SLC8A3: variants seen among roughly 807,000 people sequenced by gnomAD.
SLC8A3 encodes the protein solute carrier family 8 member A3, also known as sodium/calcium exchanger 3.
SLC8A3 carries 37 observed loss-of-function variants against 65.4 expected under a neutral mutation model. That is an observed-to-expected ratio of 0.57 (90% CI 0.44 to 0.74). SLC8A3 has a LOEUF of 0.74. SLC8A3 is among the 30% of genes least tolerant of loss of function. The pLI, the probability that SLC8A3 is intolerant of heterozygous loss-of-function variation, is 0.00. For synonymous variants in SLC8A3, 461 were observed against 444.5 expected (o/e 1.04, Z -0.47); for missense variants, 1,112 against 1,172.1 (o/e 0.95, Z 0.75).
chr14:70,187,599 C>CTGTGTGTGTG lies in SLC8A3; in HGVS notation c.-63+770_-63+779dup, dbSNP rs3053393. Among the ~76,000 whole-genome samples, 457 of 118,264 alleles carry CTGTGTGTGTG rather than the reference C, an allele frequency of 3.9e-3. 3 individuals carry two copies. Among genetic ancestry groups the CTGTGTGTGTG allele is most frequent in the Non-Finnish European group, 4.6e-3 (264 of 57,304 alleles). The allele number at this position is 118,264 out of a possible 152,430, so 77.6% of individuals were successfully genotyped here. ...GCTAGCCTCTGAATCAGGGCTTTGA[C>CTGTGTGTGTG]TGTGTGTGTGTGTGTGTGTGTGTGT... On this transcript the variant is annotated intron_variant, in intron 1 of 6. Transcript: ENST00000356921.
At chr14:70,098,351 A>G (rs989774424) in intron 2 of SLC8A3, among the ~76,000 whole-genome samples, 13 of 151,834 alleles carry the variant, frequency 8.6e-5, no homozygotes, top group Admixed American at 1.3e-4. Context: ...CCTTTCCCCA[A>G]TCTCTATCTC....
intron 2 of SLC8A3, among the ~76,000 whole-genome samples, chr14:70,150,765 G>A (rs768723693): frequency 6.6e-6 from 1 of 152,180 alleles, no homozygotes; most frequent in Admixed American, 6.5e-5. Flanking sequence ...TTAAGGCACC[G>A]AGGAACTCCA....
intron 2 of SLC8A3, among the ~76,000 whole-genome samples, chr14:70,155,696 A>G (rs1896535451): frequency 6.6e-6 from 1 of 152,272 alleles, no homozygotes; most frequent in African/African-American, 2.4e-5. Context: ...AGAGGCCTGA[A>G]TAACAGTGGT....
intron 2 of SLC8A3, among the ~76,000 whole-genome samples, chr14:70,104,977 A>AT (rs1892762212): frequency 1.3e-5 from 2 of 152,348 alleles, no homozygotes; most frequent in South Asian, 4.1e-4. Flanking sequence ...TATAATGTAG[A>AT]TAAAAAATAG....
chr14:70,045,797 G>T lies in SLC8A3; in HGVS notation c.*150C>A. On this transcript the variant is annotated 3_prime_UTR_variant, in exon 7 of 7. Transcript: ENST00000356921. ...TAAGACTTTGCCCTTTCAGTTAATT[G>T]CCAGGGCCTAAGTTGGGTGAAGTTC... 1.5e-6 allele frequency: 1 copy of T among 677,664 alleles called. No individual in the cohort carries two copies. The highest frequency in any genetic ancestry group is 2.4e-6 in the Non-Finnish European group (1 of 415,478). The allele number at this position is 677,664 out of a possible 1,614,324, so 42.0% of individuals were successfully genotyped here.
chr14:70,183,725 G>T (rs1242746060), intron 1 of SLC8A3, among the ~76,000 whole-genome samples: 1 of 152,190 alleles, frequency 6.6e-6, no homozygotes, highest in African/African-American at 2.4e-5. Context: ...GGTCAGGCTG[G>T]CAGGACCAGA....
chr14:70,176,618 C>T (rs565272768), intron 1 of SLC8A3, among the ~76,000 whole-genome samples: 16 of 152,332 alleles, frequency 1.1e-4, no homozygotes, highest in South Asian at 1.0e-3. Context: ...CATGCGTTGA[C>T]GCACAAATGG....
chr14:70,160,393 G>A (rs1243183738), intron 2 of SLC8A3, among the ~76,000 whole-genome samples: 2 of 152,190 alleles, frequency 1.3e-5, no homozygotes, highest in East Asian at 3.9e-4. Flanking sequence ...TGCAATAAGC[G>A]AGTGACAGCC....
intron 2 of SLC8A3, among the ~76,000 whole-genome samples, chr14:70,077,307 C>G (rs528547614): frequency 6.6e-6 from 1 of 152,298 alleles, no homozygotes; most frequent in Admixed American, 6.5e-5. Context: ...CAACATCTTT[C>G]CTTATTTCCT....
At chr14:70,095,110 T>C (rs964013111) in intron 2 of SLC8A3, among the ~76,000 whole-genome samples, 4 of 152,228 alleles carry the variant, frequency 2.6e-5, no homozygotes, top group Admixed American at 6.5e-5. Context: ...CAAGGGCTTG[T>C]CACGTGGTAG....
At chr14:70,141,594 T>C (rs1895581484) in intron 2 of SLC8A3, among the ~76,000 whole-genome samples, 1 of 152,192 alleles carries the variant, frequency 6.6e-6, no homozygotes, top group Admixed American at 6.5e-5. Context: ...TTTGTTTCCA[T>C]CTGTGGATCT....
intron 2 of SLC8A3, among the ~76,000 whole-genome samples, chr14:70,131,990 T>C (rs747044940): frequency 6.6e-6 from 1 of 152,200 alleles, no homozygotes; most frequent in African/African-American, 2.4e-5. Context: ...AATAGAGTGA[T>C]TGGAGACCTT....
intron 2 of SLC8A3, among the ~76,000 whole-genome samples, chr14:70,067,165 C>T (rs1000798030): frequency 1.1e-4 from 17 of 151,922 alleles, no homozygotes; most frequent in South Asian, 2.1e-4. Flanking sequence ...AATCCCCTTG[C>T]TATCCCCTCT....
chr14:70,091,955 G>T (rs532118606), intron 2 of SLC8A3, among the ~76,000 whole-genome samples: 34 of 152,258 alleles, frequency 2.2e-4, no homozygotes, highest in African/African-American at 7.9e-4. Flanking sequence ...ATTGTGTTAT[G>T]GATATGTGGT....
At chr14:70,137,710 A>G (rs925533525) in intron 2 of SLC8A3, among the ~76,000 whole-genome samples, 2 of 151,668 alleles carry the variant, frequency 1.3e-5, no homozygotes, top group African/African-American at 4.9e-5. Context: ...CCTCTATTTC[A>G]AGGTTAGATG....
chr14:70,057,329 G>GATAA (rs1888262037), intron 3 of SLC8A3, among the ~76,000 whole-genome samples: 1 of 152,040 alleles, frequency 6.6e-6, no homozygotes, highest in South Asian at 2.1e-4. Flanking sequence ...TAGATAGATA[G>GATAA]ATAGATAGGC....
At chr14:70,078,196 A>G (rs1890715185) in intron 2 of SLC8A3, among the ~76,000 whole-genome samples, 1 of 152,214 alleles carries the variant, frequency 6.6e-6, no homozygotes, top group Non-Finnish European at 1.5e-5. Context: ...TGATAAAAGA[A>G]AGCATAACAA....
intron 2 of SLC8A3, among the ~76,000 whole-genome samples, chr14:70,116,059 A>T: frequency 6.6e-6 from 1 of 152,172 alleles, no homozygotes; most frequent in South Asian, 2.1e-4. Context: ...TTGCAACAGG[A>T]GATGATGAGA....
chr14:70,071,742 G>A (rs964623532), intron 2 of SLC8A3, among the ~76,000 whole-genome samples: 4 of 152,180 alleles, frequency 2.6e-5, no homozygotes, highest in Admixed American at 1.3e-4. Flanking sequence ...TAATAAATGG[G>A]TATTGCTTTA....
Sources: gnomAD v4.1 joint callset for allele counts (sites outside exome capture counted in the v4.1 genomes callset) on GRCh38, gnomAD v4.1.1 for gene constraint, MANE v1.5 for transcripts, NCBI Gene and HGNC (gene_info 2026-07-23, HGNC 2026-07-21) for gene names.